POC1B: variants seen among roughly 807,000 people sequenced by gnomAD.
POC1B encodes POC1 centriolar protein homolog B.
POC1B carries 44 observed loss-of-function variants against 60.6 expected under a neutral mutation model. The ratio of observed to expected loss-of-function variants is 0.73; its 90% CI spans 0.57 to 0.93. POC1B has a LOEUF of 0.93. Ranked by LOEUF, POC1B falls within the 40% of genes least tolerant of loss-of-function variation. The probability of loss-of-function intolerance (pLI) is 0.00; values close to 1 mark genes in which losing one functional copy is unlikely to be tolerated. For synonymous variants in POC1B, 180 were observed against 198.9 expected, an observed-to-expected ratio of 0.90 and a Z score of 0.80; for missense variants, 555 against 572.3, an observed-to-expected ratio of 0.97 and a Z score of 0.31.
intron 2 of POC1B, among the ~76,000 whole-genome samples, chr12:89,515,456 T>TA (rs1870398869): frequency 6.6e-6 from 1 of 152,074 alleles, no homozygotes. Flanking sequence ...TAAATTGTGC[T>TA]AAGAGGCATG....
chr12:89,473,403 G>A (rs1004474667), intron 4 of POC1B, among the ~76,000 whole-genome samples: 1 of 152,218 alleles, frequency 6.6e-6, no homozygotes, highest in African/African-American at 2.4e-5. Context: ...GGGTGCAGTG[G>A]CTCATGCCCG....
At chr12:89,433,998 G>A (rs1003296457) in intron 10 of POC1B, among the ~76,000 whole-genome samples, 2 of 152,064 alleles carry the variant, frequency 1.3e-5, no homozygotes, top group Admixed American at 6.5e-5. Context: ...GATCCTGAAG[G>A]AAAAAATGAC....
rs1312676361 is a variant in POC1B at position 89,501,981 on chromosome 12, T to G, written c.101-4639A>C. 2.0e-5 allele frequency: 20 copies of G among 977,744 alleles called. No individual in the cohort carries two copies. In the Admixed American group the frequency reaches 3.4e-4, roughly 17 times the overall value. 60.6% of individuals were successfully genotyped at this position (977,744 alleles called of 1,614,324 possible). A position where few individuals can be genotyped will look rare whatever the true frequency, so the allele number is the denominator to read the frequency against. ...TGGAAAGTGATGAGGCAGACTTGGC[T>G]AAGAGGAAAAATCTGGATTGTTCTA... On this transcript the variant is annotated intron_variant, in intron 2 of 11. Transcript: ENST00000313546.
intron 4 of POC1B, among the ~76,000 whole-genome samples, chr12:89,488,420 A>G (rs1868762961): frequency 1.3e-5 from 2 of 152,204 alleles, no homozygotes; most frequent in Admixed American, 6.5e-5. Flanking sequence ...CCTTCATTTT[A>G]GAAGGAAACA....
chr12:89,494,218 T>A, intron 3 of POC1B, among the ~76,000 whole-genome samples: 1 of 148,770 alleles, frequency 6.7e-6, no homozygotes, highest in Middle Eastern at 3.3e-3. Context: ...TTTATTTTTT[T>A]ATTTTTATTT....
At chr12:89,444,953 A>G (rs1881710173) in intron 10 of POC1B, among the ~76,000 whole-genome samples, 1 of 152,196 alleles carries the variant, frequency 6.6e-6, no homozygotes, top group African/African-American at 2.4e-5. Context: ...GCATTCCTAT[A>G]TACCAATAAC....
intron 3 of POC1B, 60 bp downstream of exon 3, chr12:89,497,111 T>C (rs1397607446): frequency 6.5e-7 from 1 of 1,534,120 alleles, no homozygotes; most frequent in Non-Finnish European, 8.9e-7. Flanking sequence ...GCAGCCAGGG[T>C]CAGCTTTCTT....
Position 89,503,876 on chromosome 12 carries a change from C to T in POC1B, c.101-6534G>A, listed in dbSNP as rs1363127827. On this transcript the variant is annotated intron_variant, in intron 2 of 11. Transcript: ENST00000313546. ...CCGTCTGAGAAGTGAGGAGCCCCTC[C>T]GCCTGGCAGCCGCCCTGTCTGAGAA... Among the ~76,000 whole-genome samples the T allele has an allele frequency of 8.1e-5, 12 of 148,386 alleles. 1 individual carries two copies. The highest frequency in any genetic ancestry group is 5.3e-4 in the Admixed American group (8 of 14,978).
chr12:89,488,765 G>C (rs2135734967), intron 4 of POC1B, among the ~76,000 whole-genome samples: 1 of 152,258 alleles, frequency 6.6e-6, no homozygotes, highest in Non-Finnish European at 1.5e-5. Flanking sequence ...GGGATTACGG[G>C]CATGAGTCAC....
At chr12:89,424,367 G>C (rs1360943526) in intron 11 of POC1B, among the ~76,000 whole-genome samples, 1 of 152,142 alleles carries the variant, frequency 6.6e-6, no homozygotes, top group Non-Finnish European at 1.5e-5. Context: ...GTACAGTCAG[G>C]GTTGAGAACC....
intron 10 of POC1B, among the ~76,000 whole-genome samples, chr12:89,448,472 G>T (rs1881884033): frequency 6.6e-6 from 1 of 152,170 alleles, no homozygotes; most frequent in Admixed American, 6.5e-5. Flanking sequence ...GGAAATTTCT[G>T]CATACACAGT....
rs1592657496 is a variant in POC1B, at chr12:89,525,319, G to A, written c.16-115C>T. ...GCTTGGGAATGGCCACCCAGGCGGC[G>A]GCTTGGCTGGGCGGCGGGGCCGGGC... is the stretch of plus-strand genomic sequence containing the variant. On this transcript the variant is annotated intron_variant, in intron 1 of 11. Transcript: ENST00000313546. 7.6e-6 allele frequency: 11 copies of A among 1,454,018 alleles called. No individual in the cohort carries two copies. The East Asian group carries it at 2.8e-4, about 37-fold the overall frequency. 90.1% of individuals were successfully genotyped at this position (1,454,018 alleles called of 1,614,324 possible).
Position 89,425,216 on chromosome 12 carries a change from A to G in POC1B, c.1277T>C (p.Leu426Pro), listed in dbSNP as rs1434180325. Residue 426 changes from leucine to proline, a missense_variant, in exon 11 of 12, where the codon CTC becomes CCC. Coordinates refer to ENST00000313546, the MANE Select transcript of POC1B (RefSeq NM_172240.3). ...LPCESQRSIP[L>P]AVTDALEHIM... ...ATGCTCTAAAGCATCAGTCACAGCG[A>G]GAGGTATGCTCCTTTGACTTTCACA... 3 of 1,614,056 alleles carry G rather than the reference A, an allele frequency of 1.9e-6. No individual in the cohort carries two copies. Among genetic ancestry groups the G allele is most frequent in the Non-Finnish European group, 1.7e-6 (2 of 1,180,020 alleles).
intron 4 of POC1B, among the ~76,000 whole-genome samples, chr12:89,489,757 T>C (rs1868848571): frequency 6.6e-6 from 1 of 152,212 alleles, no homozygotes; most frequent in African/African-American, 2.4e-5. Context: ...GCTGACCACC[T>C]CTGTGCCATA....
chr12:89,525,636 G>A, intron 1 of POC1B: 1 of 1,274,594 alleles, frequency 7.8e-7, no homozygotes, highest in South Asian at 2.7e-5. Flanking sequence ...CCGTGGGGCC[G>A]CCCAGCTCAG....
intron 10 of POC1B, among the ~76,000 whole-genome samples, chr12:89,446,186 G>C (rs925933732): frequency 6.6e-6 from 1 of 152,168 alleles, no homozygotes; most frequent in Non-Finnish European, 1.5e-5. Flanking sequence ...CATTGTGGAA[G>C]ACAGTGTGGC....
intron 4 of POC1B, chr12:89,472,594 C>T (rs1009392040): frequency 5.3e-6 from 1 of 189,328 alleles, no homozygotes; most frequent in South Asian, 1.1e-4. Context: ...AAGCCAAGTG[C>T]CTTGTATTTT....
At chr12:89,446,112 T>C (rs1881775071) in intron 10 of POC1B, among the ~76,000 whole-genome samples, 3 of 152,162 alleles carry the variant, frequency 2.0e-5, no homozygotes, top group Non-Finnish European at 4.4e-5. Flanking sequence ...CAACAGGTGC[T>C]GGAGAGGATG....
At chr12:89,457,186 T>C (rs1273581278) in intron 10 of POC1B, among the ~76,000 whole-genome samples, 1 of 152,216 alleles carries the variant, frequency 6.6e-6, no homozygotes, top group Admixed American at 6.5e-5. Flanking sequence ...GCAATTGTGC[T>C]TCATGCCAAA....
Sources: allele counts gnomAD v4.1 joint callset (sites outside exome capture counted in the v4.1 genomes callset), GRCh38; gene constraint gnomAD v4.1.1; transcripts MANE v1.5; gene names NCBI Gene and HGNC (gene_info 2026-07-23, HGNC 2026-07-21).